PDE4B: variants seen among roughly 807,000 people sequenced by gnomAD.
PDE4B encodes phosphodiesterase 4B.
A neutral mutation model predicts 82.2 loss-of-function variants in PDE4B; 20 were observed. The ratio of observed to expected loss-of-function variants is 0.24; its 90% CI spans 0.17 to 0.35. The LOEUF (loss-of-function observed/expected upper bound fraction) is 0.35, where lower values mean the gene tolerates loss of function less well. Ranked by LOEUF, PDE4B falls within the 10% of genes least tolerant of loss-of-function variation. PDE4B has a pLI of 1.00. For synonymous variants in PDE4B, 320 were observed against 318.9 expected (o/e 1.00, Z -0.04); for missense variants, 655 against 907.2 (o/e 0.72, Z 3.57).
chr1:66,332,822 C>G (rs145661678), intron 8 of PDE4B, among the ~76,000 whole-genome samples: 1 of 152,180 alleles, frequency 6.6e-6, no homozygotes, highest in Non-Finnish European at 1.5e-5. Flanking sequence ...ATCCTCAGTA[C>G]GCTTCAATTT....
intron 7 of PDE4B, among the ~76,000 whole-genome samples, chr1:66,287,969 G>A (rs1656799873): frequency 6.6e-6 from 1 of 151,422 alleles, no homozygotes; most frequent in Admixed American, 6.6e-5. Context: ...GTAAGACCCT[G>A]TCTCTAAAAA....
At chr1:66,206,388 C>T (rs1476009946) in intron 3 of PDE4B, among the ~76,000 whole-genome samples, 2 of 152,086 alleles carry the variant, frequency 1.3e-5, no homozygotes, top group Non-Finnish European at 2.9e-5. Context: ...CAGCCTAACT[C>T]CACCCTCCAG....
At chr1:65,895,765 A>C (rs1387838566) in intron 1 of PDE4B, among the ~76,000 whole-genome samples, 1 of 151,286 alleles carries the variant, frequency 6.6e-6, no homozygotes, top group Admixed American at 6.6e-5. Context: ...ATTAAAAATC[A>C]TGACCAGATA....
chr1:65,804,058 G>A (rs1413670450), intron 1 of PDE4B, among the ~76,000 whole-genome samples: 1 of 152,178 alleles, frequency 6.6e-6, no homozygotes, highest in East Asian at 1.9e-4. Context: ...TAAAGAAACA[G>A]TCTTTAAACT....
chr1:65,916,966 G>A (rs1367716937), intron 2 of PDE4B, among the ~76,000 whole-genome samples: 1 of 152,132 alleles, frequency 6.6e-6, no homozygotes, highest in Non-Finnish European at 1.5e-5. Context: ...TATAAGTCAA[G>A]CACAAGAAAA....
At chr1:66,165,533 T>C (rs1293061432) in intron 3 of PDE4B, among the ~76,000 whole-genome samples, 2 of 151,834 alleles carry the variant, frequency 1.3e-5, no homozygotes, top group African/African-American at 4.8e-5. Flanking sequence ...AACTAATAAA[T>C]GAGAGTTCAG....
At position 66,309,017 on chromosome 1, in the gene PDE4B, G is replaced by A. The variant is rs146254634; in HGVS notation, c.635-23491G>A. ...CATTGTCGATTCAGGAAAGAGGCTA[G>A]GATTCAATGAATGCACTGACATTTT... On this transcript the variant is annotated intron_variant, in intron 7 of 16. Coordinates refer to ENST00000341517, the MANE Select transcript of PDE4B (RefSeq NM_002600.4). 7.8e-3 allele frequency among the ~76,000 whole-genome samples: 1,185 copies of A among 152,216 alleles called. 21 individuals carry two copies. The highest frequency in any genetic ancestry group is 0.027 in the African/African-American group (1,103 of 41,540).
At chr1:66,258,836 C>A (rs763670403) in intron 6 of PDE4B, among the ~76,000 whole-genome samples, 30 of 152,102 alleles carry the variant, frequency 2.0e-4, no homozygotes, top group Non-Finnish European at 4.0e-4. Context: ...TGGGAGTAAA[C>A]CCTGCTTTGA....
intron 3 of PDE4B, among the ~76,000 whole-genome samples, chr1:66,063,845 G>A (rs1005479599): frequency 6.6e-6 from 1 of 151,888 alleles, no homozygotes; most frequent in African/African-American, 2.4e-5. Flanking sequence ...TCAGAAGCAG[G>A]TTTTATATTT....
At chr1:66,092,417 C>A (rs988466829) in intron 3 of PDE4B, among the ~76,000 whole-genome samples, 15 of 152,092 alleles carry the variant, frequency 9.9e-5, no homozygotes, top group African/African-American at 3.6e-4. Flanking sequence ...CATATATATT[C>A]CTCTGCATAC....
At position 65,974,967 on chromosome 1, in the gene PDE4B, A is replaced by G. The variant is rs986005361; in HGVS notation, c.281+56132A>G. ...GATACTGGGGGAGTGGGGCACTCTT[A>G]TAAAGACAGCTGAAAATGTGGAAGC... On this transcript the variant is annotated intron_variant, in intron 3 of 16. Coordinates refer to ENST00000341517, the MANE Select transcript of PDE4B (RefSeq NM_002600.4). Among the ~76,000 whole-genome samples the G allele has an allele frequency of 2.6e-5, 4 of 152,342 alleles. No homozygotes were observed. In the South Asian group the frequency reaches 8.3e-4, roughly 32 times the overall value.
At chr1:66,228,447 AC>A (rs1226805995) in intron 3 of PDE4B, among the ~76,000 whole-genome samples, 4 of 151,878 alleles carry the variant, frequency 2.6e-5, no homozygotes, top group Non-Finnish European at 5.9e-5. Flanking sequence ...ACACAGTGAA[AC>A]CCCATCTCTA....
intron 1 of PDE4B, among the ~76,000 whole-genome samples, chr1:65,810,220 G>A (rs188597717): frequency 6.6e-6 from 1 of 152,202 alleles, no homozygotes; most frequent in South Asian, 2.1e-4. Flanking sequence ...CTCTAGCAAA[G>A]GTAATTTTTG....
intron 1 of PDE4B, among the ~76,000 whole-genome samples, chr1:65,844,441 G>A (rs900734588): frequency 2.6e-5 from 4 of 152,070 alleles, no homozygotes; most frequent in Non-Finnish European, 5.9e-5. Context: ...CTGGACTCTC[G>A]CAGACCGTTG....
intron 7 of PDE4B, among the ~76,000 whole-genome samples, chr1:66,306,216 A>G (rs1379428988): frequency 1.3e-5 from 2 of 152,160 alleles, no homozygotes; most frequent in Non-Finnish European, 2.9e-5. Context: ...CAAACCCTGT[A>G]CACCAAATTA....
At chr1:65,874,076 A>ATCC (rs1231288265) in intron 1 of PDE4B, among the ~76,000 whole-genome samples, 2 of 151,698 alleles carry the variant, frequency 1.3e-5, no homozygotes, top group African/African-American at 4.9e-5. Context: ...ATTTGTTTGT[A>ATCC]TCCTCTTTTA....
At chr1:65,792,529 T>C (rs1254584313), upstream of PDE4B, 1 of 152,080 alleles carries the variant, frequency 6.6e-6, no homozygotes, top group Non-Finnish European at 1.5e-5. Flanking sequence ...CCTTCAGCTC[T>C]GGTGGTAAGG....
At chr1:66,115,832 A>G (rs1336957009) in intron 3 of PDE4B, among the ~76,000 whole-genome samples, 2 of 152,228 alleles carry the variant, frequency 1.3e-5, no homozygotes, top group East Asian at 3.8e-4. Flanking sequence ...CTGATGTCCT[A>G]TAGATTCAAG....
At chr1:65,854,623 C>T (rs1646371765) in intron 1 of PDE4B, among the ~76,000 whole-genome samples, 1 of 151,900 alleles carries the variant, frequency 6.6e-6, no homozygotes, top group South Asian at 2.1e-4. Context: ...TCTCTGGATG[C>T]TTTTAAGTAT....
Sources: allele counts gnomAD v4.1 joint callset (sites outside exome capture counted in the v4.1 genomes callset), GRCh38; gene constraint gnomAD v4.1.1; transcripts MANE v1.5; gene names NCBI Gene and HGNC (gene_info 2026-07-23, HGNC 2026-07-21).